The following OTOF variants were observed in gnomAD, a reference collection of about 807,000 sequenced individuals.
OTOF encodes fer-1-like family member 2.
OTOF carries 218 observed loss-of-function variants against 236.8 expected under a neutral mutation model. The observed-to-expected ratio is 0.92, with a 90% CI of 0.82 to 1.03. The LOEUF (loss-of-function observed/expected upper bound fraction) is 1.03, where lower values mean the gene tolerates loss of function less well. Among genes scored for constraint, OTOF ranks in the 50% least tolerant of loss-of-function variants. The pLI is 0.00. For synonymous variants in OTOF, 1,041 were observed against 1,072.5 expected (o/e 0.97, Z 0.57); for missense variants, 2,590 against 2,694.4 (o/e 0.96, Z 0.86).
In OTOF at chr2:26,467,449, C is replaced by T; in HGVS notation, c.4143G>A (p.Glu1381=). ...GKEKARAAKE[E]KKKKTQSSGS... ...CAGAGCTCTGAGTTTTCTTCTTCTT[C>T]TCCTCTTTGGCAGCCCTTGCCTTCT... Residue 1381 remains glutamate, a synonymous_variant, in exon 34 of 47, where the codon GAG becomes GAA. Transcript: ENST00000272371. 2 of 1,614,092 alleles carry T rather than the reference C, an allele frequency of 1.2e-6. No homozygotes were observed. The highest frequency in any genetic ancestry group is 1.7e-6 in the Non-Finnish European group (2 of 1,180,030).
At chr2:26,474,446 C>G in intron 26 of OTOF, 67 bp downstream of exon 26, 1 of 1,446,162 alleles carries the variant, frequency 6.9e-7, no homozygotes, top group African/African-American at 1.4e-5. Context: ...GGTCCAGCCC[C>G]CAGCCCTAGG....
intron 1 of OTOF, among the ~76,000 whole-genome samples, chr2:26,554,165 CAA>C (rs34196608): frequency 1.5e-4 from 12 of 79,560 alleles, no homozygotes; most frequent in African/African-American, 4.7e-4. Context: ...GAGCGAGACT[CAA>C]AAAAAAAAAA....
intron 5 of OTOF, among the ~76,000 whole-genome samples, chr2:26,506,957 T>C (rs528714792): frequency 1.3e-5 from 2 of 152,294 alleles, no homozygotes; most frequent in Non-Finnish European, 2.9e-5. Flanking sequence ...ACCACTGCAC[T>C]CCAGCCTGGG....
At chr2:26,467,672 G>A (rs1188699295) in intron 33 of OTOF, among the ~76,000 whole-genome samples, 171 bp from the exon 34 acceptor site, 1 of 152,196 alleles carries the variant, frequency 6.6e-6, no homozygotes, top group Non-Finnish European at 1.5e-5. Context: ...AGGTGCTGGG[G>A]GCCCCAGTGG....
At position 26,489,807 on chromosome 2, in the gene OTOF, C is replaced by CT. The variant is rs1323771697; in HGVS notation, c.898-68_898-67insA. The CT allele has an allele frequency of 9.7e-6, 12 of 1,241,594 alleles. 1 individual carries two copies. The South Asian group carries it at 1.4e-4, about 15-fold the overall frequency. 76.9% of individuals were successfully genotyped at this position (1,241,594 alleles called of 1,614,324 possible). A position where few individuals can be genotyped will look rare whatever the true frequency, so the allele number is the denominator to read the frequency against. On this transcript the variant is annotated intron_variant, in intron 9 of 46. Transcript: ENST00000272371. ...CAGCAACAGCCCAGGCAGTGTTGGG[C>CT]CCCTCCCTCCTCGCAGGGCCTGTCT...
At position 26,473,850 on chromosome 2, in the gene OTOF, GCA is replaced by G. The variant is rs1415562233; in HGVS notation, c.3408+139_3408+140del. On this transcript the variant is annotated intron_variant, in intron 27 of 46. Coordinates refer to ENST00000272371, the MANE Select transcript of OTOF (RefSeq NM_194248.3). The surrounding 1 kb of genome is among the most constrained non-coding windows in gnomAD (Gnocchi z 7.2). ...GGAGTGCGACTTGGTGCAGATGGGG[GCA>G]GGCCCTGGGCTGGGGCAGGAGCCTG... 1.6e-4 allele frequency: 181 copies of G among 1,152,492 alleles called. 1 individual carries two copies. The African/African-American group carries it at 2.4e-3, about 15-fold the overall frequency. 71.4% of individuals were successfully genotyped at this position (1,152,492 alleles called of 1,614,324 possible).
chr2:26,490,859 G>T (rs1025886822), intron 9 of OTOF, among the ~76,000 whole-genome samples: 24 of 152,188 alleles, frequency 1.6e-4, no homozygotes, highest in African/African-American at 5.8e-4. Flanking sequence ...TTTAACACAG[G>T]TGTGCACCAC....
In OTOF at chr2:26,527,980, T is replaced by C. The variant is rs530940246; in HGVS notation, c.139-60A>G. Reference sequence around the variant, plus strand: ...AATAACAGGTAGGAGCCGTGGGGTGTGGGAGGGGAATCTCTTGTGGGGATC... The same window carrying C: ...AATAACAGGTAGGAGCCGTGGGGTGCGGGAGGGGAATCTCTTGTGGGGATC... On this transcript the variant is annotated intron_variant, in intron 2 of 46. Coordinates refer to ENST00000272371, the MANE Select transcript of OTOF (RefSeq NM_194248.3). 4.8e-5 allele frequency: 59 copies of C among 1,216,688 alleles called. 1 individual carries two copies. In the South Asian group the frequency reaches 5.1e-4, roughly 10 times the overall value. 75.4% of individuals were successfully genotyped at this position (1,216,688 alleles called of 1,614,324 possible).
At chr2:26,459,495 T>C (rs1468590540) in intron 46 of OTOF, among the ~76,000 whole-genome samples, 1 of 141,408 alleles carries the variant, frequency 7.1e-6, no homozygotes, top group Non-Finnish European at 1.5e-5. Flanking sequence ...GAGCTGGCAG[T>C]GAGCCAAGAT....
intron 46 of OTOF, among the ~76,000 whole-genome samples, chr2:26,459,530 C>A (rs58904665): frequency 7.5e-6 from 1 of 133,788 alleles, no homozygotes; most frequent in Non-Finnish European, 1.5e-5. Flanking sequence ...CTAGCCTGGG[C>A]GACAGAGCGA....
intron 5 of OTOF, among the ~76,000 whole-genome samples, chr2:26,510,251 G>A (rs1430419774): frequency 6.6e-6 from 1 of 152,084 alleles, no homozygotes; most frequent in Non-Finnish European, 1.5e-5. Flanking sequence ...ACCTGCAGCT[G>A]CAAAGGGTAC....
intron 11 of OTOF, among the ~76,000 whole-genome samples, chr2:26,488,769 G>A (rs1166246451): frequency 6.6e-6 from 1 of 152,216 alleles, no homozygotes; most frequent in Non-Finnish European, 1.5e-5. Context: ...AGGGTCCTGT[G>A]AGGGGTGGAA....
In OTOF at chr2:26,553,603, G is replaced by A. The variant is rs147644953; in HGVS notation, c.79+4890C>T. On this transcript the variant is annotated intron_variant, in intron 1 of 46. Transcript: ENST00000272371. ...CCCACGTGTGGTCGCAGTAAGGCTCGGAAAGAGGCATGAGCCACCACGCCT... is the reference window on the plus strand; with the variant it reads ...CCCACGTGTGGTCGCAGTAAGGCTCAGAAAGAGGCATGAGCCACCACGCCT... Among the ~76,000 whole-genome samples the A allele has an allele frequency of 1.4e-3, 215 of 152,260 alleles. 1 individual carries two copies. The highest frequency in any genetic ancestry group is 5.1e-3 in the African/African-American group (211 of 41,534).
Position 26,465,931 on chromosome 2 carries a change from G to A in OTOF, c.4628+18C>T, listed in dbSNP as rs56018216. 1,889 of 1,614,192 alleles carry A rather than the reference G, an allele frequency of 1.2e-3. 1 individual carries two copies. The highest frequency in any genetic ancestry group is 1.4e-3 in the Non-Finnish European group (1,688 of 1,180,032). ...GAGAAGTAGGGGTGTGGCAGGGGAG[G>A]GCACCAAGAAGCCTTACTTCCCAAA... is the stretch of plus-strand genomic sequence containing the variant. On this transcript the variant is annotated intron_variant, in intron 37 of 46. Coordinates refer to ENST00000272371, the MANE Select transcript of OTOF (RefSeq NM_194248.3).
Position 26,465,792 on chromosome 2 carries a change from G to T in OTOF, c.4679C>A (p.Ala1560Asp). Residue 1560 changes from alanine to aspartate, a missense_variant, in exon 38 of 47, where the codon GCT (alanine) becomes GAT (aspartate). Physicochemically the swap from Ala to Asp is moderately radical, Grantham distance 126. Transcript: ENST00000272371. ...GCCCACCAGGTCCCAGTCATACACA[G>T]CCACCGTCAGCATGGATTCCATGGG... ...SFPMESMLTV[A>D]VYDWDLVGTD... is the part of the protein sequence containing the mutation. 2 of 1,614,248 alleles carry T rather than the reference G, an allele frequency of 1.2e-6. No homozygotes were observed. The highest frequency in any genetic ancestry group is 1.7e-6 in the Non-Finnish European group (2 of 1,180,050).
chr2:26,551,331 C>G (rs945195506), intron 1 of OTOF, among the ~76,000 whole-genome samples: 1 of 152,220 alleles, frequency 6.6e-6, no homozygotes, highest in Non-Finnish European at 1.5e-5. Flanking sequence ...TGCGACCCTT[C>G]AAGGGCTTCT....
chr2:26,472,401 C>T, intron 30 of OTOF, 118 bp downstream of exon 30: 2 of 1,308,048 alleles, frequency 1.5e-6, no homozygotes, highest in South Asian at 2.4e-5. Context: ...CCGACAGTCA[C>T]ATGCCAAAGG....
intron 8 of OTOF, among the ~76,000 whole-genome samples, chr2:26,495,977 C>T (rs1665973611): frequency 6.6e-6 from 1 of 152,172 alleles, no homozygotes; most frequent in South Asian, 2.1e-4. Flanking sequence ...ACATTGTTTG[C>T]TGAATTTCTT....
intron 22 of OTOF, among the ~76,000 whole-genome samples, chr2:26,476,580 C>T (rs1437743112): frequency 3.4e-5 from 1 of 29,748 alleles, no homozygotes; most frequent in Non-Finnish European, 5.6e-5. Context: ...ACCCCTTCCC[C>T]CACCCCTTCC....
Sources: allele counts gnomAD v4.1 joint callset (sites outside exome capture counted in the v4.1 genomes callset), GRCh38; gene constraint gnomAD v4.1.1; non-coding constraint Gnocchi (gnomAD v3.1); transcripts MANE v1.5; gene names NCBI Gene and HGNC (gene_info 2026-07-23, HGNC 2026-07-21).